Variants in TRIM9 observed in about 807,000 individuals in gnomAD.
TRIM9 encodes E3 ubiquitin-protein ligase TRIM9.
TRIM9 carries 26 observed loss-of-function variants against 78.3 expected under a neutral mutation model. That is an observed-to-expected ratio of 0.33 (90% CI 0.24 to 0.46). The LOEUF is 0.46. Ranked by LOEUF, TRIM9 falls within the 20% of genes least tolerant of loss-of-function variation. TRIM9 has a pLI of 1.00. For synonymous variants in TRIM9, 398 were observed against 416.5 expected, an observed-to-expected ratio of 0.96 and a Z score of 0.54; for missense variants, 787 against 1,036.4, an observed-to-expected ratio of 0.76 and a Z score of 3.30.
At chr14:50,985,072 T>C (rs1204807776) in intron 8 of TRIM9, among the ~76,000 whole-genome samples, 1 of 152,250 alleles carries the variant, frequency 6.6e-6, no homozygotes, top group Non-Finnish European at 1.5e-5. Flanking sequence ...ATATGAAATG[T>C]GCATCATGTG....
At chr14:51,091,544 T>C (rs1354980945) in intron 1 of TRIM9, among the ~76,000 whole-genome samples, 4 of 152,196 alleles carry the variant, frequency 2.6e-5, no homozygotes, top group Non-Finnish European at 5.9e-5. Flanking sequence ...AACTAAAACA[T>C]AAACTATATG....
At chr14:51,046,095 T>A (rs1268282132) in intron 1 of TRIM9, among the ~76,000 whole-genome samples, 3 of 149,688 alleles carry the variant, frequency 2.0e-5, no homozygotes. Context: ...GGCTTTGGAA[T>A]GACCGCGTTT....
intron 1 of TRIM9, among the ~76,000 whole-genome samples, chr14:51,078,652 C>T (rs755074297): frequency 5.9e-5 from 9 of 151,896 alleles, no homozygotes; most frequent in Non-Finnish European, 1.3e-4. Flanking sequence ...CAACATACAA[C>T]GATATTGTAT....
In TRIM9 at chr14:50,986,077, C is replaced by T; in HGVS notation, c.1671G>A (p.Met557Ile). The change falls in exon 8 of 13, where the codon ATG becomes ATA. Residue 557 changes from methionine (M) to isoleucine (I), a missense_variant. Physicochemically the swap from Met to Ile is conservative, Grantham distance 10. This residue lies in a region of TRIM9 where 421 missense variants were observed against 514.3 expected (regional missense o/e 0.82). Transcript: ENST00000684578. Reference sequence around the variant, plus strand: ...GATTAAGGGTGGAGGAGAAAGGACTCATTCTACGGAGCGGCAATCTTTCCG... The same window carrying T: ...GATTAAGGGTGGAGGAGAAAGGACTTATTCTACGGAGCGGCAATCTTTCCG... Reference protein sequence around the residue: ...VPSERLPLRRMSPFSSTLNLQ... With the variant: ...VPSERLPLRRISPFSSTLNLQ... 2 of 1,549,022 alleles carry T rather than the reference C, an allele frequency of 1.3e-6. No individual in the cohort carries two copies. Among genetic ancestry groups the T allele is most frequent in the Non-Finnish European group, 1.7e-6 (2 of 1,146,136 alleles).
chr14:50,994,031 G>T (rs1174318870), intron 7 of TRIM9, among the ~76,000 whole-genome samples: 1 of 152,270 alleles, frequency 6.6e-6, no homozygotes, highest in East Asian at 1.9e-4. Flanking sequence ...CACTGCAGAG[G>T]TGATTACATT....
chr14:51,009,308 C>G (rs1466385202), intron 4 of TRIM9, 75 bp from the exon 5 acceptor site: 1 of 1,567,794 alleles, frequency 6.4e-7, no homozygotes, highest in Non-Finnish European at 8.7e-7. Flanking sequence ...CCTTGGCTCT[C>G]CAGGAGCATT....
chr14:51,094,099 G>T lies in TRIM9; in HGVS notation c.822+19C>A. ...ATCGGAGACGCAGGGAGTTAGGAGT[G>T]GGTTTTCTTAGGACTCACCTTATGT... is the stretch of plus-strand genomic sequence containing the variant. On this transcript the variant is annotated intron_variant, in intron 1 of 12. Transcript: ENST00000684578. 1 of 1,595,260 alleles carries T rather than the reference G, an allele frequency of 6.3e-7. No homozygotes were observed. Among genetic ancestry groups the T allele is most frequent in the Non-Finnish European group, 8.6e-7 (1 of 1,165,892 alleles).
chr14:51,004,416 A>G (rs983751574), intron 5 of TRIM9, among the ~76,000 whole-genome samples: 5 of 151,976 alleles, frequency 3.3e-5, no homozygotes, highest in South Asian at 2.1e-4. Flanking sequence ...TTCAAATTCT[A>G]TCTCACATTT....
chr14:50,981,946 G>A lies in TRIM9; in HGVS notation c.2016C>T (p.Arg672=). 2 of 1,614,170 alleles carry A rather than the reference G, an allele frequency of 1.2e-6. No homozygotes were observed. Among genetic ancestry groups the A allele is most frequent in the Non-Finnish European group, 1.7e-6 (2 of 1,180,040 alleles). ...GIHYWELTVD[R]YDNHPDPAFG... The stretch of plus-strand genomic sequence containing the variant: ...AGGCAGGATCAGGGTGGTTGTCATA[G>A]CGATCTACCGTGAGCTCCCAGTAGT... The change falls in exon 11 of 13, where the codon CGC becomes CGT. Residue 672 remains arginine, a synonymous_variant. Transcript: ENST00000684578.
At chr14:50,980,913 C>G (rs1377030132) in intron 11 of TRIM9, among the ~76,000 whole-genome samples, 2 of 151,848 alleles carry the variant, frequency 1.3e-5, no homozygotes, top group African/African-American at 2.4e-5. Flanking sequence ...AAAGATAAAA[C>G]AGTGGGGTCC....
intron 1 of TRIM9, among the ~76,000 whole-genome samples, chr14:51,076,654 T>C (rs1596317595): frequency 6.6e-6 from 1 of 152,356 alleles, no homozygotes; most frequent in Middle Eastern, 3.4e-3. Context: ...CTCACATTAA[T>C]TAGGTTATTC....
At chr14:51,002,335 C>T (rs12590216) in intron 5 of TRIM9, among the ~76,000 whole-genome samples, 15,275 of 151,472 alleles carry the variant, frequency 0.1, 855 homozygotes, top group Middle Eastern at 0.15. Context: ...GGGGTTTCAC[C>T]GTGTTAGCCA....
At chr14:51,074,106 G>A (rs150313484) in intron 1 of TRIM9, among the ~76,000 whole-genome samples, 13 of 152,092 alleles carry the variant, frequency 8.5e-5, no homozygotes, top group African/African-American at 2.9e-4. Flanking sequence ...TCATAACAAC[G>A]AAACCAAACA....
At chr14:51,040,489 G>A (rs1403139268) in intron 1 of TRIM9, among the ~76,000 whole-genome samples, 1 of 152,176 alleles carries the variant, frequency 6.6e-6, no homozygotes, top group Non-Finnish European at 1.5e-5. Flanking sequence ...TGCCTACTTT[G>A]AGAAGTGGCA....
At chr14:51,049,719 G>A (rs1450183220) in intron 1 of TRIM9, among the ~76,000 whole-genome samples, 1 of 151,654 alleles carries the variant, frequency 6.6e-6, no homozygotes, top group Non-Finnish European at 1.5e-5. Flanking sequence ...CTAGCTACTC[G>A]GGAGATTGAG....
chr14:51,071,990 A>G (rs2062318829), intron 1 of TRIM9, among the ~76,000 whole-genome samples: 1 of 152,148 alleles, frequency 6.6e-6, no homozygotes, highest in African/African-American at 2.4e-5. Context: ...AGCATGAAGG[A>G]GCAGCACAAG....
At chr14:51,013,020 G>C (rs2056755493) in intron 3 of TRIM9, among the ~76,000 whole-genome samples, 1 of 152,132 alleles carries the variant, frequency 6.6e-6, no homozygotes, top group Non-Finnish European at 1.5e-5. Context: ...TGTCCTTTGA[G>C]ACACAACTAT....
intron 1 of TRIM9, among the ~76,000 whole-genome samples, chr14:51,043,118 T>C (rs898887538): frequency 1.3e-5 from 2 of 152,238 alleles, no homozygotes; most frequent in African/African-American, 4.8e-5. Context: ...TTTGTGACAA[T>C]TGTCTTCCCA....
At chr14:51,094,091 T>G in intron 1 of TRIM9, 27 bp downstream of exon 1, 1 of 1,582,812 alleles carries the variant, frequency 6.3e-7, no homozygotes, top group Non-Finnish European at 8.6e-7. Context: ...ACGCAGGGAG[T>G]TAGGAGTGGG....
Sources: allele counts gnomAD v4.1 joint callset (sites outside exome capture counted in the v4.1 genomes callset), GRCh38; gene constraint gnomAD v4.1.1; regional missense constraint gnomAD v4.1.1; transcripts MANE v1.5; gene names NCBI Gene and HGNC (gene_info 2026-07-23, HGNC 2026-07-21).